The following CACNB4 variants were observed in gnomAD, a reference collection of about 807,000 sequenced individuals.
The protein encoded by CACNB4 is calcium voltage-gated channel auxiliary subunit beta 4.
CACNB4 carries 32 observed loss-of-function variants against 71.2 expected under a neutral mutation model. The ratio of observed to expected loss-of-function variants is 0.45; its 90% confidence interval spans 0.34 to 0.60. The LOEUF is 0.60. Ranked by LOEUF, CACNB4 falls within the 20% of genes least tolerant of loss-of-function variation. The pLI, the probability that CACNB4 is intolerant of heterozygous loss-of-function variation, is 0.01. For missense variants in CACNB4, 464 were observed against 647.9 expected (o/e 0.72, Z 3.08); for synonymous variants, 231 against 236.9 (o/e 0.97, Z 0.23).
At chr2:151,949,385 A>C (rs1323214955) in intron 2 of CACNB4, among the ~76,000 whole-genome samples, 1 of 152,140 alleles carries the variant, frequency 6.6e-6, no homozygotes, top group African/African-American at 2.4e-5. Flanking sequence ...CAAGGAGTTA[A>C]AGTGCAGAGG....
chr2:151,868,430 T>A (rs1381296474), intron 9 of CACNB4: 1 of 152,236 alleles, frequency 6.6e-6, no homozygotes, highest in Admixed American at 6.5e-5. Flanking sequence ...CATTCAGCAC[T>A]GTGAAAGAGC....
chr2:151,887,417 G>C (rs1219010899), intron 2 of CACNB4, among the ~76,000 whole-genome samples: 2 of 128,794 alleles, frequency 1.6e-5, no homozygotes, highest in East Asian at 4.7e-4. Flanking sequence ...GGGTGACAGA[G>C]CCAGACCCTG....
chr2:151,882,150 A>G (rs770453224), intron 3 of CACNB4, among the ~76,000 whole-genome samples: 57 of 72,328 alleles, frequency 7.9e-4, no homozygotes, highest in Non-Finnish European at 1.7e-3. Context: ...AAGTGCTGGG[A>G]TTACAGGCGT....
chr2:152,045,463 T>A (rs1685098406), intron 2 of CACNB4, among the ~76,000 whole-genome samples: 1 of 152,174 alleles, frequency 6.6e-6, no homozygotes, highest in Non-Finnish European at 1.5e-5. Flanking sequence ...ATGAGCTACC[T>A]ACAGTAGTCA....
At chr2:151,997,543 G>A (rs918124453) in intron 2 of CACNB4, among the ~76,000 whole-genome samples, 1 of 139,904 alleles carries the variant, frequency 7.1e-6, no homozygotes, top group African/African-American at 2.5e-5. Flanking sequence ...CAAAAAAAAA[G>A]AGACGAAGGG....
At chr2:151,964,930 AT>A (rs2151708264) in intron 2 of CACNB4, among the ~76,000 whole-genome samples, 1 of 64,686 alleles carries the variant, frequency 1.5e-5, no homozygotes, top group African/African-American at 5.5e-5. Flanking sequence ...GTGCATCATA[AT>A]TAAATTTTCT....
intron 2 of CACNB4, among the ~76,000 whole-genome samples, chr2:151,904,099 G>A (rs1457882374): frequency 2.0e-5 from 3 of 152,258 alleles, no homozygotes; most frequent in South Asian, 2.1e-4. Flanking sequence ...AGAAAAAAAC[G>A]CTTGCCTCCA....
intron 2 of CACNB4, among the ~76,000 whole-genome samples, chr2:151,907,588 A>G (rs1057090182): frequency 1.3e-5 from 2 of 152,216 alleles, no homozygotes; most frequent in African/African-American, 4.8e-5. Context: ...CTGGTTTTCT[A>G]CTAATGTCCT....
At chr2:151,993,667 C>T (rs774790148) in intron 2 of CACNB4, among the ~76,000 whole-genome samples, 40 of 151,238 alleles carry the variant, frequency 2.6e-4, no homozygotes, top group Middle Eastern at 3.4e-3. Flanking sequence ...CAGGTTCAAG[C>T]GATTCTCCTG....
intron 2 of CACNB4, among the ~76,000 whole-genome samples, chr2:151,976,601 C>T (rs1449320063): frequency 6.6e-6 from 1 of 152,196 alleles, no homozygotes; most frequent in Non-Finnish European, 1.5e-5. Flanking sequence ...ATCAGCACCA[C>T]ACCTGTGAGT....
intron 2 of CACNB4, among the ~76,000 whole-genome samples, chr2:151,978,240 AAGACCATGG>A (rs2099874141): frequency 6.6e-6 from 1 of 152,214 alleles, no homozygotes; most frequent in Non-Finnish European, 1.5e-5. Context: ...AGGCCCCATG[AAGACCATGG>A]AGATAATAGT....
At chr2:152,086,328 C>G (rs1687660559) in intron 2 of CACNB4, among the ~76,000 whole-genome samples, 1 of 152,166 alleles carries the variant, frequency 6.6e-6, no homozygotes, top group African/African-American at 2.4e-5. Flanking sequence ...AAGAATAAAA[C>G]ACATCCTCAA....
intron 3 of CACNB4, among the ~76,000 whole-genome samples, chr2:151,881,305 AG>A (rs1395273167): frequency 1.3e-5 from 2 of 152,042 alleles, no homozygotes; most frequent in Middle Eastern, 3.2e-3. Flanking sequence ...CTTTTTAAAA[AG>A]AAAAAAAAAA....
intron 2 of CACNB4, among the ~76,000 whole-genome samples, chr2:152,012,313 G>A (rs1345347569): frequency 2.0e-5 from 3 of 152,072 alleles, no homozygotes; most frequent in African/African-American, 4.8e-5. Flanking sequence ...TTGTGTGTTA[G>A]TTTTTAATTA....
chr2:151,974,815 C>CAAAAAAAAAAA (rs35540920), intron 2 of CACNB4, among the ~76,000 whole-genome samples: 1 of 137,998 alleles, frequency 7.2e-6, no homozygotes. Flanking sequence ...TCTGGTCAAC[C>CAAAAAAAAAAA]AAAAAAAAAA....
chr2:152,099,084 A>G (rs529156365), upstream of CACNB4: 31 of 1,011,782 alleles, frequency 3.1e-5, no homozygotes, highest in East Asian at 1.5e-4. Context: ...TGGGCTGCGG[A>G]CGGAGGGGGA....
chr2:152,046,777 C>T (rs1258109623), intron 2 of CACNB4, among the ~76,000 whole-genome samples: 1 of 152,102 alleles, frequency 6.6e-6, no homozygotes, highest in South Asian at 2.1e-4. Context: ...ATTAATTAAC[C>T]CTGAAATTCA....
intron 2 of CACNB4, among the ~76,000 whole-genome samples, chr2:152,050,318 A>T (rs1685357867): frequency 6.6e-6 from 1 of 152,220 alleles, no homozygotes; most frequent in Non-Finnish European, 1.5e-5. Context: ...ACAACCTCTA[A>T]AAGAGAGCTC....
intron 2 of CACNB4, among the ~76,000 whole-genome samples, chr2:151,886,554 TA>T (rs2099849418): frequency 6.6e-6 from 1 of 152,228 alleles, no homozygotes; most frequent in Non-Finnish European, 1.5e-5. Context: ...TAAACTCTAC[TA>T]TGGCCAAATA....
Sources: allele counts gnomAD v4.1 joint callset (sites outside exome capture counted in the v4.1 genomes callset), GRCh38; gene constraint gnomAD v4.1.1; transcripts MANE v1.5; gene names NCBI Gene and HGNC (gene_info 2026-07-23, HGNC 2026-07-21).